GRIK4: variants seen among roughly 807,000 people sequenced by gnomAD.
GRIK4 encodes the protein glutamate ionotropic receptor kainate type subunit 4.
A neutral mutation model predicts 104.9 loss-of-function variants in GRIK4; 40 were observed. The ratio of observed to expected loss-of-function variants is 0.38; its 90% CI spans 0.30 to 0.50. GRIK4 has a LOEUF of 0.50. GRIK4 is among the 20% of genes least tolerant of loss of function. The pLI is 0.93. For synonymous variants in GRIK4, 485 were observed against 524.9 expected, an observed-to-expected ratio of 0.92 and a Z score of 1.04; for missense variants, 1,047 against 1,308.1, an observed-to-expected ratio of 0.80 and a Z score of 3.08.
chr11:120,848,882 CG>C (rs1565390682), intron 8 of GRIK4, among the ~76,000 whole-genome samples: 1 of 151,936 alleles, frequency 6.6e-6, no homozygotes, highest in Non-Finnish European at 1.5e-5. Flanking sequence ...AATTCCTAAC[CG>C]AGGGGGACAG....
intron 12 of GRIK4, among the ~76,000 whole-genome samples, chr11:120,900,575 G>A (rs1043732456): frequency 1.3e-5 from 2 of 152,206 alleles, no homozygotes; most frequent in Admixed American, 1.3e-4. Flanking sequence ...AGGCAGCAAG[G>A]CTGAGGAAAA....
chr11:120,848,323 G>C (rs971975988), intron 8 of GRIK4, among the ~76,000 whole-genome samples: 11 of 152,284 alleles, frequency 7.2e-5, no homozygotes, highest in African/African-American at 2.4e-4. Context: ...ATTTATAGGT[G>C]GCCGCTCTTT....
chr11:120,912,203 C>G (rs1441905898), intron 13 of GRIK4, among the ~76,000 whole-genome samples: 1 of 152,064 alleles, frequency 6.6e-6, no homozygotes, highest in East Asian at 1.9e-4. Context: ...TGGTGGTGCC[C>G]AGCAATGAGG....
At chr11:120,715,253 G>A (rs1950807607) in intron 3 of GRIK4, among the ~76,000 whole-genome samples, 2 of 152,332 alleles carry the variant, frequency 1.3e-5, no homozygotes, top group Non-Finnish European at 2.9e-5. Flanking sequence ...AAGGGGCCCT[G>A]GGGCACAGTC....
At chr11:120,604,722 A>G (rs1013403194) in intron 1 of GRIK4, among the ~76,000 whole-genome samples, 2 of 152,218 alleles carry the variant, frequency 1.3e-5, no homozygotes, top group Non-Finnish European at 2.9e-5. Context: ...ATCCAGATAG[A>G]TTTACAGGGC....
At chr11:120,801,443 T>C (rs996821439) in intron 3 of GRIK4, among the ~76,000 whole-genome samples, 3 of 152,196 alleles carry the variant, frequency 2.0e-5, no homozygotes, top group Non-Finnish European at 4.4e-5. Flanking sequence ...GCCAGGCTGG[T>C]CTCGAACTCC....
chr11:120,617,686 A>G (rs1949133857), intron 1 of GRIK4, among the ~76,000 whole-genome samples: 2 of 152,240 alleles, frequency 1.3e-5, no homozygotes, highest in South Asian at 4.2e-4. Flanking sequence ...CTGGTCATTT[A>G]AAAGTGTGTA....
At chr11:120,743,341 AT>A (rs554736018) in intron 3 of GRIK4, among the ~76,000 whole-genome samples, 83 of 152,278 alleles carry the variant, frequency 5.5e-4, no homozygotes, top group African/African-American at 1.6e-3. Flanking sequence ...CAAATACTAT[AT>A]GTTCTTATTT....
At chr11:120,781,391 C>T (rs181922659) in intron 3 of GRIK4, among the ~76,000 whole-genome samples, 243 of 152,226 alleles carry the variant, frequency 1.6e-3, no homozygotes, top group Middle Eastern at 6.8e-3. Context: ...TACTCTGTCA[C>T]CCAGGCTAGA....
chr11:120,559,850 G>C (rs139953884), intron 1 of GRIK4, among the ~76,000 whole-genome samples: 27 of 152,274 alleles, frequency 1.8e-4, no homozygotes, highest in Middle Eastern at 3.4e-3. Flanking sequence ...CATATTAACT[G>C]TATCTGCATT....
At position 120,660,296 on chromosome 11, in the gene GRIK4, G is replaced by A; in HGVS notation, c.-23G>A. On this transcript the variant is annotated 5_prime_UTR_variant, in exon 3 of 21. Transcript: ENST00000527524. ...TTATGTCATGCCCAGGCCAGCAGGGGGCTCCATGAGGATTCATAGAAGATG... is the reference window on the plus strand; with the variant it reads ...TTATGTCATGCCCAGGCCAGCAGGGAGCTCCATGAGGATTCATAGAAGATG... The A allele has an allele frequency of 6.4e-7, 1 of 1,571,592 alleles. No individual in the cohort carries two copies.
intron 3 of GRIK4, among the ~76,000 whole-genome samples, chr11:120,733,038 A>G (rs1951164439): frequency 6.6e-6 from 1 of 152,164 alleles, no homozygotes. Context: ...GTGCATATGT[A>G]TTTACAATTG....
intron 1 of GRIK4, among the ~76,000 whole-genome samples, chr11:120,576,823 T>C (rs1363552488): frequency 1.3e-5 from 2 of 152,182 alleles, no homozygotes; most frequent in Non-Finnish European, 2.9e-5. Flanking sequence ...ACCACCAGCC[T>C]GTGCTGGGCC....
chr11:120,915,363 G>T (rs1324271362), intron 13 of GRIK4, among the ~76,000 whole-genome samples: 1 of 152,184 alleles, frequency 6.6e-6, no homozygotes, highest in Non-Finnish European at 1.5e-5. Flanking sequence ...TGAGAAAAGG[G>T]CAATAATGGC....
chr11:120,568,083 C>T (rs745721538), intron 1 of GRIK4, among the ~76,000 whole-genome samples: 13 of 152,152 alleles, frequency 8.5e-5, no homozygotes, highest in East Asian at 1.9e-4. Flanking sequence ...GAGGTTGAGG[C>T]GGGAGGATTG....
At chr11:120,831,764 C>CATTAAAAA in intron 6 of GRIK4, 88 bp from the exon 7 acceptor site, 11 of 989,450 alleles carry the variant, frequency 1.1e-5, no homozygotes, top group Admixed American at 2.0e-5. Flanking sequence ...ACTTCCAGCC[C>CATTAAAAA]ACATCTCCGT....
intron 3 of GRIK4, among the ~76,000 whole-genome samples, chr11:120,720,171 G>A (rs942236493): frequency 9.2e-5 from 14 of 152,142 alleles, no homozygotes; most frequent in African/African-American, 3.1e-4. Context: ...AAAGAGAAAG[G>A]AGGGGAGAGG....
At chr11:120,888,154 A>G (rs1955173722) in intron 11 of GRIK4, among the ~76,000 whole-genome samples, 1 of 152,234 alleles carries the variant, frequency 6.6e-6, no homozygotes, top group African/African-American at 2.4e-5. Flanking sequence ...CTCAGGCAGG[A>G]ACGCTTGTGG....
chr11:120,578,850 C>T lies in GRIK4; in HGVS notation c.-159+66963C>T, dbSNP rs376878519. 3.9e-4 allele frequency among the ~76,000 whole-genome samples: 59 copies of T among 152,292 alleles called. No homozygotes were observed. In the East Asian group the frequency reaches 7.3e-3, roughly 19 times the overall value. ...GCTCATCTCCACAAATACTCAGAGA[C>T]GGAGGTGGGGAGGGTTGCAACTGTC... On this transcript the variant is annotated intron_variant, in intron 1 of 20. Coordinates refer to ENST00000527524, the MANE Select transcript of GRIK4 (RefSeq NM_014619.5).
Sources: gnomAD v4.1 joint callset for allele counts (sites outside exome capture counted in the v4.1 genomes callset) on GRCh38, gnomAD v4.1.1 for gene constraint, MANE v1.5 for transcripts, NCBI Gene and HGNC (gene_info 2026-07-23, HGNC 2026-07-21) for gene names.